SV2C: variants seen among roughly 807,000 people sequenced by gnomAD.
SV2C encodes the protein synaptic vesicle glycoprotein 2C.
In SV2C, 49 loss-of-function variants were observed where a neutral mutation model predicts 79.7. The ratio of observed to expected loss-of-function variants is 0.61; its 90% confidence interval spans 0.49 to 0.78. The LOEUF is 0.78. Among genes scored for constraint, SV2C ranks in the 30% least tolerant of loss-of-function variants. The pLI is 0.00. For missense variants in SV2C, 833 were observed against 912.9 expected (o/e 0.91, Z 1.13); for synonymous variants, 334 against 333.2 (o/e 1.00, Z -0.03).
the SV2C span, among the ~76,000 whole-genome samples, chr5:76,024,206 A>G: frequency 3.3e-5 from 5 of 152,206 alleles, no homozygotes; most frequent in East Asian, 9.6e-4. Context: ...GGGGATTTCT[A>G]TAAGCATTGT....
the SV2C span, among the ~76,000 whole-genome samples, chr5:75,908,564 T>C: frequency 6.6e-6 from 1 of 152,228 alleles, no homozygotes; most frequent in African/African-American, 2.4e-5. Flanking sequence ...ATGGTTGAAC[T>C]ACCTGTAAGT....
chr5:76,304,830 C>A (rs1580053339), intron 12 of SV2C, among the ~76,000 whole-genome samples: 1 of 152,152 alleles, frequency 6.6e-6, no homozygotes, highest in African/African-American at 2.4e-5. Flanking sequence ...CTAAAGGCCC[C>A]CCTCTCTTAA....
At chr5:76,225,856 G>A (rs1745220321) in intron 4 of SV2C, among the ~76,000 whole-genome samples, 1 of 152,128 alleles carries the variant, frequency 6.6e-6, no homozygotes, top group Non-Finnish European at 1.5e-5. Context: ...TACTTGATGA[G>A]AGTATAACAC....
the SV2C span, among the ~76,000 whole-genome samples, chr5:75,967,307 A>T: frequency 6.6e-6 from 1 of 152,168 alleles, no homozygotes; most frequent in Non-Finnish European, 1.5e-5. Context: ...CTCACTGGGG[A>T]GTGCTGGACA....
At chr5:75,873,219 A>C in the SV2C span, among the ~76,000 whole-genome samples, 2 of 152,174 alleles carry the variant, frequency 1.3e-5, no homozygotes, top group Non-Finnish European at 2.9e-5. Flanking sequence ...CAATTGGTGA[A>C]ATTAAAAGGA....
chr5:76,338,675 T>TTTTTTTA (rs1749376942), downstream of SV2C, among the ~76,000 whole-genome samples: 1 of 117,490 alleles, frequency 8.5e-6, no homozygotes. Context: ...TTTTTTTTTT[T>TTTTTTTA]GAGACAGATT....
chr5:76,174,165 C>G lies in SV2C; in HGVS notation c.581-20754C>G, dbSNP rs1255598594. 4.3e-6 allele frequency: 7 copies of G among 1,612,552 alleles called. No individual in the cohort carries two copies. In the Admixed American group the frequency reaches 5.0e-5, roughly 12 times the overall value. On this transcript the variant is annotated intron_variant, in intron 2 of 12. Coordinates refer to ENST00000502798, the MANE Select transcript of SV2C (RefSeq NM_014979.4). ...CCAACGCCTCGTGAGCCAAGAACGA[C>G]TAGCTTATACTCACGCATGATGCAA...
chr5:76,319,829 A>C (rs1018008164), intron 12 of SV2C, among the ~76,000 whole-genome samples: 2 of 152,160 alleles, frequency 1.3e-5, no homozygotes, highest in African/African-American at 4.8e-5. Flanking sequence ...ACCTAGATGC[A>C]AATCCTATCT....
chr5:75,893,528 G>A, the SV2C span, among the ~76,000 whole-genome samples: 2 of 152,066 alleles, frequency 1.3e-5, no homozygotes, highest in Admixed American at 6.6e-5. Context: ...TGTCGTAAGT[G>A]AGAGATAAAC....
At chr5:76,209,073 A>G (rs1252756393) in intron 3 of SV2C, among the ~76,000 whole-genome samples, 1 of 152,180 alleles carries the variant, frequency 6.6e-6, no homozygotes, top group Non-Finnish European at 1.5e-5. Flanking sequence ...ATTATATTCC[A>G]TTCTATTGAT....
the SV2C span, among the ~76,000 whole-genome samples, chr5:76,030,289 T>TTATTTATTTA: frequency 1.2e-3 from 142 of 117,904 alleles, 1 homozygote; most frequent in Middle Eastern, 8.7e-3. Context: ...TTTTTTTTTT[T>TTATTTATTTA]TTTATTTATT....
At chr5:76,223,479 A>ATATATATG (rs1745142497) in intron 4 of SV2C, among the ~76,000 whole-genome samples, 2 of 68,744 alleles carry the variant, frequency 2.9e-5, no homozygotes, top group African/African-American at 1.3e-4. Context: ...ATATATATAT[A>ATATATATG]TATATATATA....
the SV2C span, among the ~76,000 whole-genome samples, chr5:76,002,865 G>GTT: frequency 6.8e-5 from 8 of 117,808 alleles, no homozygotes; most frequent in African/African-American, 1.2e-4. Flanking sequence ...TTCTGTGCGT[G>GTT]TGTTTTTTTT....
the SV2C span, among the ~76,000 whole-genome samples, chr5:76,066,608 AAAG>A: frequency 3.2e-4 from 49 of 152,072 alleles, no homozygotes; most frequent in African/African-American, 5.5e-4. Flanking sequence ...GCATAATAAA[AAAG>A]AAGAAGAAGA....
chr5:75,929,100 G>A, the SV2C span, among the ~76,000 whole-genome samples: 3 of 151,914 alleles, frequency 2.0e-5, no homozygotes, highest in Non-Finnish European at 2.9e-5. Flanking sequence ...GTTCCCTGGT[G>A]TCCCCAGCCC....
chr5:75,879,589 GC>G, the SV2C span, among the ~76,000 whole-genome samples: 2 of 152,326 alleles, frequency 1.3e-5, no homozygotes, highest in East Asian at 3.9e-4. Flanking sequence ...GCCTTGGGCA[GC>G]TTTGCCTTTG....
intron 1 of SV2C, among the ~76,000 whole-genome samples, chr5:76,096,519 T>C (rs10074384): frequency 0.32 from 48,009 of 152,028 alleles, 9,637 homozygotes; most frequent in African/African-American, 0.56. Flanking sequence ...AAGTTGCATT[T>C]TGAATTCAGG....
intron 2 of SV2C, among the ~76,000 whole-genome samples, chr5:76,190,354 A>T (rs1744060016): frequency 6.6e-6 from 1 of 152,168 alleles, no homozygotes; most frequent in Admixed American, 6.6e-5. Context: ...AAAATTACCA[A>T]GAGGGATCTA....
chr5:76,117,933 G>A (rs964710467), intron 1 of SV2C, among the ~76,000 whole-genome samples: 2 of 152,060 alleles, frequency 1.3e-5, no homozygotes, highest in East Asian at 3.9e-4. Context: ...TGTGCATAAG[G>A]CCATCTGAGA....
Sources: allele counts gnomAD v4.1 joint callset (sites outside exome capture counted in the v4.1 genomes callset), GRCh38; gene constraint gnomAD v4.1.1; transcripts MANE v1.5; gene names NCBI Gene and HGNC (gene_info 2026-07-23, HGNC 2026-07-21).